RTTN: variants seen among roughly 807,000 people sequenced by gnomAD.
RTTN encodes the protein rotatin.
In RTTN, 182 loss-of-function variants were observed where a neutral mutation model predicts 269.2. That is an observed-to-expected ratio of 0.68 (90% CI 0.60 to 0.76). RTTN has a LOEUF of 0.76. RTTN is among the 30% of genes least tolerant of loss of function. The pLI, the probability that RTTN is intolerant of heterozygous loss-of-function variation, is 0.00. For missense variants in RTTN, 2,545 were observed against 2,608.6 expected (o/e 0.98, Z 0.53); for synonymous variants, 1,006 against 963.5 (o/e 1.04, Z -0.82).
intron 32 of RTTN, among the ~76,000 whole-genome samples, chr18:70,083,196 C>T (rs959014281): frequency 2.6e-5 from 4 of 152,080 alleles, no homozygotes; most frequent in African/African-American, 7.2e-5. Context: ...GAAGACAGGC[C>T]GAGATACTTC....
intron 35 of RTTN, among the ~76,000 whole-genome samples, chr18:70,063,806 T>G (rs2058057057): frequency 6.6e-6 from 1 of 152,080 alleles, no homozygotes; most frequent in Non-Finnish European, 1.5e-5. Flanking sequence ...GCTAATTTAT[T>G]TTGTAAAACT....
Position 70,169,060 on chromosome 18 carries a change from T to C in RTTN, c.1484A>G (p.Glu495Gly), listed in dbSNP as rs2061066726. The change falls in exon 12 of 49, where the codon GAG becomes GGG. Residue 495 changes from glutamate (E) to glycine (G), a missense_variant. Physicochemically the swap from Glu to Gly is moderately conservative, Grantham distance 98. Transcript: ENST00000640769. ...TGTTGACATAGGCTCTGATAAAAAC[T>C]CGCTTGCCTTGGTGAATTAAAAAAA... ...QTLLPVEKAS[E>G]FLSEPMSTAL... The C allele has an allele frequency of 1.9e-6, 3 of 1,583,528 alleles. No homozygotes were observed. Among genetic ancestry groups the C allele is most frequent in the Non-Finnish European group, 8.5e-7 (1 of 1,171,468 alleles).
At chr18:70,175,045 CAAAAAAAA>C (rs5825998) in intron 11 of RTTN, among the ~76,000 whole-genome samples, 4 of 86,858 alleles carry the variant, frequency 4.6e-5, no homozygotes, top group East Asian at 3.8e-4. Context: ...AAACCAAAAC[CAAAAAAAA>C]AAAAAAAAAA....
chr18:70,071,694 A>G (rs772215582), intron 34 of RTTN, among the ~76,000 whole-genome samples: 1 of 152,152 alleles, frequency 6.6e-6, no homozygotes, highest in Non-Finnish European at 1.5e-5. Flanking sequence ...AGGACCCAAC[A>G]ATCCTTACGA....
intron 46 of RTTN, among the ~76,000 whole-genome samples, chr18:70,009,761 C>G (rs1224837249): frequency 6.6e-6 from 1 of 152,008 alleles, no homozygotes; most frequent in Non-Finnish European, 1.5e-5. Flanking sequence ...GGGCTAAATG[C>G]CACAATTAAA....
chr18:70,205,462 A>G, intron 1 of RTTN, 147 bp from the exon 2 acceptor site: 9 of 1,357,120 alleles, frequency 6.6e-6, no homozygotes, highest in South Asian at 1.3e-5. Flanking sequence ...CGAACCGCGA[A>G]GTTTACACAA....
At chr18:70,156,271 G>T (rs1402489971) in intron 14 of RTTN, among the ~76,000 whole-genome samples, 1 of 152,072 alleles carries the variant, frequency 6.6e-6, no homozygotes, top group Admixed American at 6.5e-5. Context: ...CTCTAAAATG[G>T]CCCCCTTGGG....
intron 35 of RTTN, among the ~76,000 whole-genome samples, chr18:70,062,627 TC>T (rs145532150): frequency 0.17 from 14,241 of 85,410 alleles, 1,113 homozygotes; most frequent in African/African-American, 0.35. Flanking sequence ...TTTTTTTTTT[TC>T]GTTTTTGGAG....
At chr18:70,060,376 T>C (rs2057945874) in intron 35 of RTTN, among the ~76,000 whole-genome samples, 1 of 152,198 alleles carries the variant, frequency 6.6e-6, no homozygotes, top group Non-Finnish European at 1.5e-5. Flanking sequence ...CAATCCTTTT[T>C]CTGAAACTCG....
chr18:70,139,818 C>T, intron 20 of RTTN, 102 bp from the exon 21 acceptor site: 1 of 749,452 alleles, frequency 1.3e-6, no homozygotes, highest in Non-Finnish European at 2.3e-6. Context: ...GCGTTTTCAT[C>T]AAAATTATCT....
Position 70,170,137 on chromosome 18 carries a change from T to C in RTTN, c.1477-1070A>G, listed in dbSNP as rs1599884469. Among the ~76,000 whole-genome samples the C allele has an allele frequency of 2.6e-5, 4 of 152,246 alleles. No homozygotes were observed. In the East Asian group the frequency reaches 7.7e-4, roughly 29 times the overall value. Reference sequence around the variant, plus strand: ...CTGTGAAGAACTTTCCTTTTTTTTGTGGGCGGGGGAGGAAAAAGAGAAACT... The same window carrying C: ...CTGTGAAGAACTTTCCTTTTTTTTGCGGGCGGGGGAGGAAAAAGAGAAACT... On this transcript the variant is annotated intron_variant, in intron 11 of 48. Coordinates refer to ENST00000640769, the MANE Select transcript of RTTN (RefSeq NM_173630.4).
chr18:70,137,768 C>T (rs999748004), intron 21 of RTTN, among the ~76,000 whole-genome samples: 7 of 152,162 alleles, frequency 4.6e-5, no homozygotes, highest in African/African-American at 1.4e-4. Context: ...ATCTGACCAG[C>T]ATGTCCTCTG....
chr18:70,178,252 G>C (rs913047421), intron 10 of RTTN, among the ~76,000 whole-genome samples: 1 of 152,144 alleles, frequency 6.6e-6, no homozygotes, highest in Non-Finnish European at 1.5e-5. Context: ...AAAGGGTGTT[G>C]AGCATTCAAA....
intron 16 of RTTN, among the ~76,000 whole-genome samples, chr18:70,149,540 T>A (rs1433248484): frequency 1.4e-5 from 2 of 145,386 alleles, no homozygotes; most frequent in Non-Finnish European, 1.5e-5. Flanking sequence ...GATTGCTTTT[T>A]TAAAAAAAAA....
chr18:70,148,604 T>C (rs1196639212), intron 17 of RTTN, among the ~76,000 whole-genome samples: 1 of 152,180 alleles, frequency 6.6e-6, no homozygotes, highest in East Asian at 1.9e-4. Flanking sequence ...ATTTTTACCA[T>C]CTATTTATCT....
intron 23 of RTTN, among the ~76,000 whole-genome samples, chr18:70,133,146 A>C (rs1276385633): frequency 6.6e-6 from 1 of 152,160 alleles, no homozygotes; most frequent in Non-Finnish European, 1.5e-5. Flanking sequence ...CATATTTTCT[A>C]TTTGGGACAT....
At chr18:70,193,084 G>T (rs1309507749) in intron 8 of RTTN, 1 of 503,866 alleles carries the variant, frequency 2.0e-6, no homozygotes, top group East Asian at 3.4e-5. Context: ...ACTGAGTTGC[G>T]ATGTAATATT....
At chr18:70,146,647 T>C (rs17082142) in intron 17 of RTTN, among the ~76,000 whole-genome samples, 14,598 of 152,184 alleles carry the variant, frequency 0.096, 1,478 homozygotes, top group African/African-American at 0.26. Flanking sequence ...AGCCCCTGTA[T>C]CATAACTTTT....
intron 44 of RTTN, among the ~76,000 whole-genome samples, chr18:70,024,345 T>G (rs145950567): frequency 1.4e-3 from 209 of 152,338 alleles, no homozygotes; most frequent in African/African-American, 4.9e-3. Context: ...CCAACTGTTA[T>G]GAGAACTTTC....
Sources: allele counts gnomAD v4.1 joint callset (sites outside exome capture counted in the v4.1 genomes callset), GRCh38; gene constraint gnomAD v4.1.1; transcripts MANE v1.5; gene names NCBI Gene and HGNC (gene_info 2026-07-23, HGNC 2026-07-21).